The following WDR26 variants were observed in gnomAD, a reference collection of about 807,000 sequenced individuals.
WDR26 encodes WD repeat domain 26.
Under a neutral mutation model 84.1 loss-of-function variants are expected in WDR26, and 5 were observed. That is an observed-to-expected ratio of 0.06 (90% CI 0.03 to 0.13). The LOEUF (loss-of-function observed/expected upper bound fraction) is 0.13, where lower values mean the gene tolerates loss of function less well. Among genes scored for constraint, WDR26 ranks in the 10% least tolerant of loss-of-function variants. The probability of loss-of-function intolerance (pLI) is 1.00; values close to 1 mark genes in which losing one functional copy is unlikely to be tolerated. For missense variants in WDR26, 642 were observed against 974.9 expected, an observed-to-expected ratio of 0.66 and a Z score of 4.55; for synonymous variants, 415 against 389.6, an observed-to-expected ratio of 1.07 and a Z score of -0.77.
chr1:224,389,906 G>GGA, intron 13 of WDR26, 46 bp from the exon 14 acceptor site: 1 of 470,796 alleles, frequency 2.1e-6, no homozygotes, highest in Non-Finnish European at 4.0e-6. Flanking sequence ...GCGGGGGAGG[G>GGA]AAGAGGGGAA....
chr1:224,402,988 T>C (rs1187494641), intron 8 of WDR26, among the ~76,000 whole-genome samples: 1 of 152,154 alleles, frequency 6.6e-6, no homozygotes, highest in African/African-American at 2.4e-5. Context: ...CTTAAGTATT[T>C]AGGGTAAGAT....
intron 6 of WDR26, among the ~76,000 whole-genome samples, chr1:224,417,565 A>G (rs1463746716): frequency 6.6e-6 from 1 of 152,186 alleles, no homozygotes; most frequent in Non-Finnish European, 1.5e-5. Context: ...TTAGCCAGGC[A>G]TGGTAGTGCA....
chr1:224,434,136 A>G lies in WDR26; in HGVS notation c.270T>C (p.Ser90=). ...TGCCGCTGACCAGGCTGTGGCCGCT[A>G]CTTCGGTGGGGGACAGCAGCGGCGG... The change falls in exon 1 of 14, where the codon AGT becomes AGC. Residue 90 remains serine, a synonymous_variant. Transcript: ENST00000414423. The G allele has an allele frequency of 7.0e-7, 1 of 1,420,292 alleles. No individual in the cohort carries two copies. The highest frequency in any genetic ancestry group is 1.5e-5 in the South Asian group (1 of 65,718). The allele number at this position is 1,420,292 out of a possible 1,614,324, so 88.0% of individuals were successfully genotyped here. A position where few individuals can be genotyped will look rare whatever the true frequency, so the allele number is the denominator to read the frequency against.
intron 6 of WDR26, among the ~76,000 whole-genome samples, chr1:224,416,376 T>C (rs1007255498): frequency 8.6e-4 from 130 of 152,006 alleles, no homozygotes; most frequent in African/African-American, 3.1e-3. Flanking sequence ...TACAGGCGCC[T>C]GCCACCACGC....
Position 224,424,585 on chromosome 1 carries a change from G to A in WDR26, c.997C>T (p.Leu333Phe). Residue 333 changes from leucine to phenylalanine, a missense_variant, in exon 4 of 14, where the codon CTT (leucine) becomes TTT (phenylalanine). Physicochemically the swap from Leu to Phe is conservative, Grantham distance 22. This residue lies in a region of WDR26 where 351 missense variants were observed against 672.8 expected (regional missense o/e 0.52). Coordinates refer to ENST00000414423, the MANE Select transcript of WDR26 (RefSeq NM_001379403.1). ...GTCAATTCACAGCGTAGAACTTGAA[G>A]TGCCTCCAGGACCTTGCCATCCTCC... 6.2e-7 allele frequency: 1 copy of A among 1,614,132 alleles called. No individual in the cohort carries two copies. Among genetic ancestry groups the A allele is most frequent in the Non-Finnish European group, 8.5e-7 (1 of 1,180,000 alleles).
chr1:224,400,396 A>T (rs568151223), intron 9 of WDR26, among the ~76,000 whole-genome samples: 1 of 152,210 alleles, frequency 6.6e-6, no homozygotes, highest in South Asian at 2.1e-4. Context: ...AGCAAAACAC[A>T]TTTTTTTGTT....
chr1:224,407,151 A>AAAAAAAAAAAAATACATATATAT, intron 7 of WDR26, among the ~76,000 whole-genome samples: 1 of 11,868 alleles, frequency 8.4e-5, no homozygotes, highest in Non-Finnish European at 1.4e-4. Flanking sequence ...AAAAAAAAAA[A>AAAAAAAAAAAAATACATATATAT]ATATATATAT....
At chr1:224,418,827 C>T (rs969312361) in intron 5 of WDR26, among the ~76,000 whole-genome samples, 1 of 152,144 alleles carries the variant, frequency 6.6e-6, no homozygotes, top group Non-Finnish European at 1.5e-5. Flanking sequence ...GTTCTAGTTC[C>T]CATCAAACTG....
intron 4 of WDR26, among the ~76,000 whole-genome samples, chr1:224,422,307 T>C (rs1674086547): frequency 6.6e-6 from 1 of 152,238 alleles, no homozygotes; most frequent in South Asian, 2.1e-4. Context: ...TTTGTGGCCT[T>C]GCACAGAGAT....
chr1:224,407,150 A>AT (rs1558426057), intron 7 of WDR26, among the ~76,000 whole-genome samples: 41 of 65,762 alleles, frequency 6.2e-4, no homozygotes, highest in Non-Finnish European at 9.8e-4. Context: ...AAAAAAAAAA[A>AT]AATATATATA....
chr1:224,390,280 T>C (rs538555065), intron 13 of WDR26, among the ~76,000 whole-genome samples: 51 of 152,316 alleles, frequency 3.3e-4, no homozygotes, highest in Admixed American at 2.6e-4. Flanking sequence ...CCACCATGCC[T>C]GGCTACTTTT....
intron 3 of WDR26, chr1:224,430,522 C>T (rs1214959393): frequency 1.3e-5 from 2 of 151,826 alleles, no homozygotes; most frequent in Admixed American, 6.6e-5. Context: ...AAACACAAGG[C>T]CTTATTTTTA....
chr1:224,400,142 A>C (rs1050680436), intron 9 of WDR26, among the ~76,000 whole-genome samples: 3 of 152,232 alleles, frequency 2.0e-5, no homozygotes, highest in Non-Finnish European at 4.4e-5. Context: ...ACCTTGCCAT[A>C]AAACTTATTT....
intron 7 of WDR26, among the ~76,000 whole-genome samples, chr1:224,407,761 G>C (rs1225457105): frequency 6.6e-6 from 1 of 151,738 alleles, no homozygotes; most frequent in Admixed American, 6.6e-5. Flanking sequence ...CACCTGCCTC[G>C]GCCTTCCAAA....
intron 7 of WDR26, among the ~76,000 whole-genome samples, chr1:224,407,151 A>AAAAAAAAAAATATATAT: frequency 4.2e-4 from 5 of 11,868 alleles, no homozygotes; most frequent in African/African-American, 3.9e-4. Flanking sequence ...AAAAAAAAAA[A>AAAAAAAAAAATATATAT]ATATATATAT....
intron 7 of WDR26, among the ~76,000 whole-genome samples, chr1:224,407,423 T>C (rs1045603146): frequency 6.7e-6 from 1 of 148,772 alleles, no homozygotes; most frequent in African/African-American, 2.5e-5. Flanking sequence ...AACTCAAATT[T>C]TAAGGCTCTC....
rs545023241 is a variant in WDR26, at chr1:224,434,165, G to A, written c.241C>T (p.Pro81Ser). The change falls in exon 1 of 14, where the codon CCC becomes TCC. Residue 81 changes from proline to serine, a missense_variant. Physicochemically the swap from Pro to Ser is moderately conservative, Grantham distance 74. Transcript: ENST00000414423. Reference sequence around the variant, plus strand: ...CGGTGGGGGACAGCAGCGGCGGCGGGAGGGGCAGCAGCCGGGGGAAGTCCC... The same window carrying A: ...CGGTGGGGGACAGCAGCGGCGGCGGAAGGGGCAGCAGCCGGGGGAAGTCCC... 2.1e-5 allele frequency: 30 copies of A among 1,423,118 alleles called. No individual in the cohort carries two copies. The African/African-American group carries it at 4.4e-4, about 21-fold the overall frequency. The allele number at this position is 1,423,118 out of a possible 1,614,324, so 88.2% of individuals were successfully genotyped here. A position where few individuals can be genotyped will look rare whatever the true frequency, so the allele number is the denominator to read the frequency against.
chr1:224,429,890 T>A (rs1266811690), intron 3 of WDR26: 3 of 152,152 alleles, frequency 2.0e-5, no homozygotes, highest in East Asian at 3.8e-4. Context: ...AAATAGGAAG[T>A]AAGCCTATTA....
chr1:224,404,404 C>T (rs1673497900), intron 8 of WDR26, 26 bp downstream of exon 8: 1 of 1,609,304 alleles, frequency 6.2e-7, no homozygotes, highest in Non-Finnish European at 8.5e-7. Flanking sequence ...TACTTAAAAG[C>T]TCAACCAAAG....
Sources: gnomAD v4.1 joint callset for allele counts (sites outside exome capture counted in the v4.1 genomes callset) on GRCh38, gnomAD v4.1.1 for gene constraint, gnomAD v4.1.1 regional missense constraint, MANE v1.5 for transcripts, NCBI Gene and HGNC (gene_info 2026-07-23, HGNC 2026-07-21) for gene names.